KPNA3: variants seen among roughly 807,000 people sequenced by gnomAD.
KPNA3 encodes importin subunit alpha-4.
KPNA3 carries 13 observed loss-of-function variants against 73.8 expected under a neutral mutation model. The observed-to-expected ratio is 0.18, with a 90% CI of 0.11 to 0.28. The LOEUF is 0.28. Ranked by LOEUF, KPNA3 falls within the 10% of genes least tolerant of loss-of-function variation. The probability of loss-of-function intolerance (pLI) is 1.00; values close to 1 mark genes in which losing one functional copy is unlikely to be tolerated. For missense variants in KPNA3, 360 were observed against 618.1 expected (o/e 0.58, Z 4.43); for synonymous variants, 186 against 206.9 (o/e 0.90, Z 0.87).
At chr13:49,718,428 C>G (rs543168442) in intron 10 of KPNA3, among the ~76,000 whole-genome samples, 1 of 152,230 alleles carries the variant, frequency 6.6e-6, no homozygotes, top group South Asian at 2.1e-4. Flanking sequence ...CACTTTAATA[C>G]CCCAGCTTTC....
At chr13:49,785,963 T>G (rs554867211) in intron 1 of KPNA3, among the ~76,000 whole-genome samples, 3 of 152,330 alleles carry the variant, frequency 2.0e-5, no homozygotes, top group African/African-American at 7.2e-5. Context: ...ACTGTTTCTG[T>G]ACTTTATGTT....
intron 6 of KPNA3, among the ~76,000 whole-genome samples, chr13:49,729,555 T>C (rs1594439388): frequency 6.6e-6 from 1 of 151,988 alleles, no homozygotes; most frequent in Admixed American, 6.6e-5. Context: ...GAGGCCGAGG[T>C]GGGTGGATCA....
intron 1 of KPNA3, among the ~76,000 whole-genome samples, chr13:49,764,118 G>GTTTGT (rs143847411): frequency 7.5e-4 from 110 of 146,698 alleles, no homozygotes; most frequent in Non-Finnish European, 1.4e-3. Context: ...AGTCTGTTGG[G>GTTTGT]TTTGTTTTGT....
chr13:49,727,447 CAAA>C (rs1242720259), intron 6 of KPNA3, among the ~76,000 whole-genome samples: 3 of 50,064 alleles, frequency 6.0e-5, no homozygotes, highest in Non-Finnish European at 8.3e-5. Context: ...GATTCCATCT[CAAA>C]AAAAAAAAAA....
chr13:49,752,084 A>G (rs1158915455), intron 1 of KPNA3, among the ~76,000 whole-genome samples: 1 of 152,210 alleles, frequency 6.6e-6, no homozygotes, highest in Non-Finnish European at 1.5e-5. Flanking sequence ...GAGAACTCCC[A>G]AATCATGAAT....
chr13:49,784,689 A>T (rs1423135066), intron 1 of KPNA3, among the ~76,000 whole-genome samples: 3 of 152,224 alleles, frequency 2.0e-5, no homozygotes, highest in African/African-American at 7.2e-5. Context: ...TTTGGGAAGC[A>T]GTAGGAAAAG....
chr13:49,741,947 A>C (rs1594445889), intron 2 of KPNA3, among the ~76,000 whole-genome samples: 1 of 152,288 alleles, frequency 6.6e-6, no homozygotes, highest in East Asian at 1.9e-4. Context: ...TTTTGGGGTC[A>C]TATCCAGGAA....
At chr13:49,759,917 A>T (rs566443428) in intron 1 of KPNA3, among the ~76,000 whole-genome samples, 1 of 140,748 alleles carries the variant, frequency 7.1e-6, no homozygotes, top group East Asian at 2.0e-4. Flanking sequence ...TAAATAACAG[A>T]CTTAGACAAT....
chr13:49,789,675 A>C (rs1442221207), intron 1 of KPNA3, among the ~76,000 whole-genome samples: 1 of 152,244 alleles, frequency 6.6e-6, no homozygotes, highest in East Asian at 1.9e-4. Flanking sequence ...GACAAGACTA[A>C]GCATGGTTAT....
intron 12 of KPNA3, among the ~76,000 whole-genome samples, chr13:49,708,927 T>G (rs994375697): frequency 1.3e-5 from 2 of 152,194 alleles, no homozygotes; most frequent in Non-Finnish European, 2.9e-5. Flanking sequence ...GATCAAAATT[T>G]TTATGATCGG....
chr13:49,770,870 G>A (rs952675718), intron 1 of KPNA3, among the ~76,000 whole-genome samples: 14 of 144,882 alleles, frequency 9.7e-5, no homozygotes, highest in African/African-American at 2.5e-4. Context: ...AAAAACCCCC[G>A]AAAATATAAC....
chr13:49,754,122 C>A (rs1954690364), intron 1 of KPNA3, among the ~76,000 whole-genome samples: 1 of 152,098 alleles, frequency 6.6e-6, no homozygotes, highest in South Asian at 2.1e-4. Context: ...CAGGGTGAAG[C>A]CTCATCTCTA....
chr13:49,749,597 T>C (rs1954645435), intron 1 of KPNA3, among the ~76,000 whole-genome samples: 1 of 152,184 alleles, frequency 6.6e-6, no homozygotes, highest in African/African-American at 2.4e-5. Flanking sequence ...GGGTTGAAGT[T>C]TTCTTACAAG....
At chr13:49,722,713 T>G (rs1393630216) in intron 7 of KPNA3, 150 bp from the exon 8 acceptor site, 1 of 529,336 alleles carries the variant, frequency 1.9e-6, no homozygotes, top group East Asian at 3.2e-5. Context: ...AAGAATCAAT[T>G]TCAGTATTTT....
intron 10 of KPNA3, among the ~76,000 whole-genome samples, chr13:49,715,097 A>G (rs1954293343): frequency 6.6e-6 from 1 of 152,034 alleles, no homozygotes; most frequent in Admixed American, 6.6e-5. Context: ...TTGATAGAAC[A>G]CCCAAAAAAG....
At position 49,732,554 on chromosome 13, in the gene KPNA3, A is replaced by G. The variant is rs760632952; in HGVS notation, c.287+51T>C. 7 of 1,483,600 alleles carry G rather than the reference A, an allele frequency of 4.7e-6. No individual in the cohort carries two copies. In the Admixed American group the frequency reaches 1.2e-4, roughly 26 times the overall value. 91.9% of individuals were successfully genotyped at this position (1,483,600 alleles called of 1,614,324 possible). ...CATATTAACTTCTAGACTACCAGGT[A>G]ACACAACTGAGGAATGACATAATTC... On this transcript the variant is annotated intron_variant, in intron 5 of 16. Transcript: ENST00000261667.
intron 1 of KPNA3, among the ~76,000 whole-genome samples, chr13:49,776,618 GAATA>G (rs764383902): frequency 2.8e-4 from 42 of 151,904 alleles, no homozygotes; most frequent in East Asian, 5.8e-4. Flanking sequence ...CTAGTAAGTA[GAATA>G]AATAGAAAAA....
intron 1 of KPNA3, among the ~76,000 whole-genome samples, chr13:49,784,795 G>A (rs931844252): frequency 1.3e-5 from 2 of 152,152 alleles, no homozygotes; most frequent in Non-Finnish European, 2.9e-5. Flanking sequence ...GAATATTTTA[G>A]TGCTTGCTTG....
At chr13:49,771,343 A>C (rs1354597877) in intron 1 of KPNA3, among the ~76,000 whole-genome samples, 2 of 152,222 alleles carry the variant, frequency 1.3e-5, no homozygotes, top group East Asian at 3.8e-4. Context: ...TTTTCAGCAT[A>C]CAAGTCTTAA....
Sources: gnomAD v4.1 joint callset for allele counts (sites outside exome capture counted in the v4.1 genomes callset) on GRCh38, gnomAD v4.1.1 for gene constraint, MANE v1.5 for transcripts, NCBI Gene and HGNC (gene_info 2026-07-23, HGNC 2026-07-21) for gene names.